The following BCKDHA variants were observed in gnomAD, a reference collection of about 807,000 sequenced individuals.
The protein encoded by BCKDHA is 2-oxoisovalerate dehydrogenase subunit alpha, mitochondrial.
Under a neutral mutation model 52.2 loss-of-function variants are expected in BCKDHA, and 43 were observed. That is an observed-to-expected ratio of 0.82 (90% CI 0.64 to 1.06). The LOEUF is 1.06. BCKDHA is among the 50% of genes least tolerant of loss of function. The probability of loss-of-function intolerance (pLI) is 0.00; values close to 1 mark genes in which losing one functional copy is unlikely to be tolerated. For synonymous variants in BCKDHA, 234 were observed against 247.9 expected, an observed-to-expected ratio of 0.94 and a Z score of 0.53; for missense variants, 527 against 621.3, an observed-to-expected ratio of 0.85 and a Z score of 1.61.
intron 3 of BCKDHA, among the ~76,000 whole-genome samples, chr19:41,412,095 A>T (rs1461643859): frequency 1.3e-5 from 2 of 151,960 alleles, no homozygotes; most frequent in Non-Finnish European, 2.9e-5. Flanking sequence ...GTGTGATCTC[A>T]TGTCCATCCG....
chr19:41,414,148 C>T lies in BCKDHA; in HGVS notation c.475C>T (p.Arg159Trp), dbSNP rs769688327. 9 of 1,613,394 alleles carry T rather than the reference C, an allele frequency of 5.6e-6. No individual in the cohort carries two copies. The highest frequency in any genetic ancestry group is 2.2e-5 in the South Asian group (2 of 91,088). Residue 159 changes from arginine to tryptophan, a missense_variant, in exon 4 of 9, where the codon CGG becomes TGG. By Grantham distance (101) the Arg-to-Trp change is moderately radical. Coordinates refer to ENST00000269980, the MANE Select transcript of BCKDHA (RefSeq NM_000709.4). ...DNTDLVFGQY[R>W]EAGVLMYRDY... ...CACGGACCTGGTGTTTGGCCAGTAC[C>T]GGGAGGCAGGTACGTCTGTCCGTGG... is the stretch of plus-strand genomic sequence containing the variant.
intron 1 of BCKDHA, among the ~76,000 whole-genome samples, chr19:41,405,516 C>T (rs569393010): frequency 5.9e-5 from 9 of 151,912 alleles, no homozygotes; most frequent in South Asian, 2.1e-4. Context: ...TGGGCTCAAG[C>T]GATCCTCCCT....
In BCKDHA at chr19:41,410,987, T is replaced by C; in HGVS notation, c.353T>C (p.Ile118Thr). 6.2e-7 allele frequency: 1 copy of C among 1,614,072 alleles called. No homozygotes were observed. The highest frequency in any genetic ancestry group is 8.5e-7 in the Non-Finnish European group (1 of 1,180,020). ...ACACTGCTTAACACCATGGACCGCA[T>C]CCTCTATGAGTCTCAGCGGCAGGTG... is the stretch of plus-strand genomic sequence containing the variant. The part of the protein sequence containing the change: ...SMTLLNTMDR[I>T]LYESQRQGRI... Residue 118 changes from isoleucine to threonine, a missense_variant, in exon 3 of 9, where the codon ATC becomes ACC. Coordinates refer to ENST00000269980, the MANE Select transcript of BCKDHA (RefSeq NM_000709.4).
chr19:41,412,611 C>G (rs1007650503), intron 3 of BCKDHA, among the ~76,000 whole-genome samples: 1 of 151,764 alleles, frequency 6.6e-6, no homozygotes, highest in African/African-American at 2.4e-5. Context: ...CTCCCTACCT[C>G]AGGTGATCTG....
At chr19:41,405,924 TCTGC>T (rs1346177782) in intron 1 of BCKDHA, among the ~76,000 whole-genome samples, 2 of 152,198 alleles carry the variant, frequency 1.3e-5, no homozygotes, top group Non-Finnish European at 2.9e-5. Flanking sequence ...CTGTGCAGCC[TCTGC>T]CATTGTAAAT....
At chr19:41,405,830 C>G in intron 1 of BCKDHA, among the ~76,000 whole-genome samples, 1 of 152,196 alleles carries the variant, frequency 6.6e-6, no homozygotes. Context: ...CCAGTACTTC[C>G]TGGGCAGACC....
intron 5 of BCKDHA, among the ~76,000 whole-genome samples, chr19:41,420,249 C>T (rs1019890676): frequency 4.6e-5 from 7 of 152,218 alleles, no homozygotes; most frequent in African/African-American, 1.7e-4. Context: ...TCCACTGTGC[C>T]AATGCTTCAC....
chr19:41,416,255 C>G (rs552907813), intron 4 of BCKDHA, among the ~76,000 whole-genome samples: 87 of 152,152 alleles, frequency 5.7e-4, no homozygotes, highest in African/African-American at 2.0e-3. Flanking sequence ...AGCCAAGGTG[C>G]TGTTATATGT....
chr19:41,422,517 A>G, intron 6 of BCKDHA, 112 bp from the exon 7 acceptor site: 1 of 1,578,808 alleles, frequency 6.3e-7, no homozygotes, highest in Non-Finnish European at 8.7e-7. Context: ...ACAGGAGTTG[A>G]GGTCCTGAGC....
In BCKDHA at chr19:41,424,667, A is replaced by AG; in HGVS notation, c.*63dup. On this transcript the variant is annotated 3_prime_UTR_variant, in exon 9 of 9. Coordinates refer to ENST00000269980, the MANE Select transcript of BCKDHA (RefSeq NM_000709.4). ...TACCCCGAGAGGTAGCCCCACTCTA[A>AG]GGGGAGCAGGGGGACCTGACAGCAC... 1 of 1,516,754 alleles carries AG rather than the reference A, an allele frequency of 6.6e-7. No homozygotes were observed. The highest frequency in any genetic ancestry group is 8.9e-7 in the Non-Finnish European group (1 of 1,120,782). The allele number at this position is 1,516,754 out of a possible 1,614,324, so 94.0% of individuals were successfully genotyped here.
In BCKDHA at chr19:41,411,060, C is replaced by T. The variant is rs760654267; in HGVS notation, c.375+51C>T. On this transcript the variant is annotated intron_variant, in intron 3 of 8. Coordinates refer to ENST00000269980, the MANE Select transcript of BCKDHA (RefSeq NM_000709.4). ...GGGGGCTGGAATTACCTGAGGTCCC[C>T]TACCTGTGTTTGGGCCAAAGGAATG... is the stretch of plus-strand genomic sequence containing the variant. 2.5e-6 allele frequency: 4 copies of T among 1,588,802 alleles called. No individual in the cohort carries two copies. In the South Asian group the frequency reaches 4.4e-5, roughly 18 times the overall value.
intron 5 of BCKDHA, among the ~76,000 whole-genome samples, chr19:41,420,257 C>A (rs971068560): frequency 2.0e-5 from 3 of 152,216 alleles, no homozygotes; most frequent in African/African-American, 7.2e-5. Context: ...GCCAATGCTT[C>A]ACGTTCATCA....
intron 5 of BCKDHA, 53 bp downstream of exon 5, chr19:41,419,349 T>C: frequency 6.4e-7 from 1 of 1,563,536 alleles, no homozygotes; most frequent in Non-Finnish European, 8.7e-7. Context: ...GTCACACCCC[T>C]GTCCAGGCCT....
At chr19:41,402,980 C>T (rs2039154182) in intron 1 of BCKDHA, among the ~76,000 whole-genome samples, 1 of 152,130 alleles carries the variant, frequency 6.6e-6, no homozygotes, top group Non-Finnish European at 1.5e-5. Context: ...CTTTCCACTT[C>T]AGTCCCCCTG....
intron 1 of BCKDHA, 71 bp from the exon 2 acceptor site, chr19:41,410,566 G>A (rs780980518): frequency 3.2e-5 from 50 of 1,572,220 alleles, no homozygotes; most frequent in Non-Finnish European, 4.1e-5. Context: ...CCTGCCTGCC[G>A]CCGGGGCTGA....
intron 3 of BCKDHA, 135 bp downstream of exon 3, chr19:41,411,144 T>C (rs2039249792): frequency 8.2e-6 from 8 of 980,956 alleles, no homozygotes; most frequent in Non-Finnish European, 9.3e-6. Flanking sequence ...GAGGGTTCTC[T>C]TGGGACTCTG....
chr19:41,414,305 T>G, intron 4 of BCKDHA, 148 bp downstream of exon 4: 1 of 846,190 alleles, frequency 1.2e-6, no homozygotes, highest in Non-Finnish European at 1.9e-6. Context: ...CAAGCCAGGG[T>G]TAGGACTCTG....
chr19:41,403,071 A>G (rs1358565722), intron 1 of BCKDHA, among the ~76,000 whole-genome samples: 1 of 152,176 alleles, frequency 6.6e-6, no homozygotes, highest in Admixed American at 6.5e-5. Context: ...GATGGCTGAC[A>G]TGACACTTCC....
intron 1 of BCKDHA, 151 bp downstream of exon 1, chr19:41,398,086 A>C (rs1022302530): frequency 3.0e-6 from 2 of 669,318 alleles, no homozygotes; most frequent in Admixed American, 2.9e-5. Flanking sequence ...ACCGAAGGGA[A>C]GATCTGCCAC....
Sources: gnomAD v4.1 joint callset for allele counts (sites outside exome capture counted in the v4.1 genomes callset) on GRCh38, gnomAD v4.1.1 for gene constraint, MANE v1.5 for transcripts, NCBI Gene and HGNC (gene_info 2026-07-23, HGNC 2026-07-21) for gene names.